The following TTYH1 variants were observed in gnomAD, a reference collection of about 807,000 sequenced individuals.
TTYH1 encodes the protein protein tweety homolog 1.
A neutral mutation model predicts 61.2 loss-of-function variants in TTYH1; 33 were observed. That is an observed-to-expected ratio of 0.54 (90% CI 0.41 to 0.72). The LOEUF (loss-of-function observed/expected upper bound fraction) is 0.72. TTYH1 is among the 30% of genes least tolerant of loss of function. TTYH1 has a pLI of 0.00. For synonymous variants in TTYH1, 308 were observed against 266.4 expected, an observed-to-expected ratio of 1.16 and a Z score of -1.52; for missense variants, 538 against 575.8, an observed-to-expected ratio of 0.93 and a Z score of 0.67.
chr19:54,435,845 C>T lies in TTYH1; in HGVS notation c.1286C>T (p.Thr429Ile), dbSNP rs771590868. 6.2e-7 allele frequency: 1 copy of T among 1,613,434 alleles called. No homozygotes were observed. Among genetic ancestry groups the T allele is most frequent in the Non-Finnish European group, 8.5e-7 (1 of 1,180,000 alleles). The change falls in exon 12 of 14, where the codon ACA (threonine) becomes ATA (isoleucine). Residue 429 changes from threonine (T) to isoleucine (I), a missense_variant. Physicochemically the swap from Thr to Ile is moderately conservative, Grantham distance 89. Transcript: ENST00000376530. ...AACCCCAGTGACGACTACGATGACACAGACGATGACGACCCTTTCAACCCT... is the reference window on the plus strand; with the variant it reads ...AACCCCAGTGACGACTACGATGACATAGACGATGACGACCCTTTCAACCCT... Reference protein sequence around the residue: ...LFPPSDDYDDTDDDDPFNPQE... With the variant: ...LFPPSDDYDDIDDDDPFNPQE...
chr19:54,435,435 T>C (rs930891149), intron 10 of TTYH1, 107 bp from the exon 11 acceptor site: 8 of 1,363,582 alleles, frequency 5.9e-6, no homozygotes, highest in Non-Finnish European at 6.9e-6. Flanking sequence ...AGTGGTCAGT[T>C]GACGTGTGCA....
intron 1 of TTYH1, chr19:54,418,165 C>T (rs1247632776): frequency 6.6e-6 from 1 of 152,258 alleles, no homozygotes; most frequent in Non-Finnish European, 1.5e-5. Context: ...TGCAAACCCC[C>T]TGGGCCACTG....
intron 4 of TTYH1, among the ~76,000 whole-genome samples, chr19:54,422,929 A>AT (rs1491361668): frequency 8.1e-5 from 2 of 24,574 alleles, no homozygotes; most frequent in Non-Finnish European, 1.9e-4. Flanking sequence ...ACTCCATCTC[A>AT]AAAAAAAAAA....
rs1486152010 is a variant in TTYH1 at position 54,415,713 on chromosome 19, TG to T, written c.126+40del. On this transcript the variant is annotated intron_variant, in intron 1 of 13. Transcript: ENST00000376530. This position sits in a 1 kb window ranked among gnomAD's most constrained non-coding sequence, Gnocchi z 5.2. Reference sequence around the variant, plus strand: ...GGCGCCAGGGCCTGGGGGCCAGGGCTGGGGGCCGGAGCTCCTGGGTCCCGAG... The same window carrying T: ...GGCGCCAGGGCCTGGGGGCCAGGGCTGGGGCCGGAGCTCCTGGGTCCCGAG... 1.3e-6 allele frequency: 2 copies of T among 1,506,116 alleles called. No homozygotes were observed. Among genetic ancestry groups the T allele is most frequent in the Admixed American group, 2.1e-5 (1 of 46,846 alleles). 93.3% of individuals were successfully genotyped at this position (1,506,116 alleles called of 1,614,324 possible).
At chr19:54,426,564 A>C in intron 4 of TTYH1, 109 bp from the exon 5 acceptor site, 2 of 820,602 alleles carry the variant, frequency 2.4e-6, no homozygotes, top group Non-Finnish European at 4.2e-6. Flanking sequence ...GAGGGTGGTG[A>C]ATGTGAGGCT....
At chr19:54,425,581 A>G (rs192194920) in intron 4 of TTYH1, among the ~76,000 whole-genome samples, 294 of 152,218 alleles carry the variant, frequency 1.9e-3, no homozygotes, top group Admixed American at 3.1e-3. Context: ...GGATGCGGTC[A>G]CCTTCCCAGC....
rs1264776482 is a variant in TTYH1, at chr19:54,420,943, A to T, written c.306-334A>T. The T allele has an allele frequency of 2.4e-6, 1 of 411,482 alleles. No homozygotes were observed. The highest frequency in any genetic ancestry group is 3.6e-5 in the Admixed American group (1 of 27,742). The allele number at this position is 411,482 out of a possible 1,614,324, so 25.5% of individuals were successfully genotyped here. A position where few individuals can be genotyped will look rare whatever the true frequency, so the allele number is the denominator to read the frequency against. On this transcript the variant is annotated intron_variant, in intron 2 of 13. Coordinates refer to ENST00000376530, the MANE Select transcript of TTYH1 (RefSeq NM_020659.4). The surrounding 1 kb of genome is among the most constrained non-coding windows in gnomAD (Gnocchi z 4.8). ...GGGTGTGGGGCAGGCAGTCCTAGGG[A>T]GGGGAAGACGGCCCATCCCGGAGCT...
Position 54,416,994 on chromosome 19 carries a change from G to A in TTYH1, c.126+1316G>A. 1 of 1,199,980 alleles carries A rather than the reference G, an allele frequency of 8.3e-7. No homozygotes were observed. Among genetic ancestry groups the A allele is most frequent in the Non-Finnish European group, 1.1e-6 (1 of 946,562 alleles). 74.3% of individuals were successfully genotyped at this position (1,199,980 alleles called of 1,614,324 possible). On this transcript the variant is annotated intron_variant, in intron 1 of 13. Transcript: ENST00000376530. This position sits in a 1 kb window ranked among gnomAD's most constrained non-coding sequence, Gnocchi z 7.0. The stretch of plus-strand genomic sequence containing the variant: ...CAGGGTCAGGGTGGCAGGGATGCGC[G>A]GGCAGAGCCCCACAGCCGAGGAGGG...
At chr19:54,424,655 C>CGAAAAT (rs2083286679) in intron 4 of TTYH1, among the ~76,000 whole-genome samples, 1 of 152,196 alleles carries the variant, frequency 6.6e-6, no homozygotes, top group Non-Finnish European at 1.5e-5. Flanking sequence ...GCAGACCCAC[C>CGAAAAT]ATCACTAGAA....
chr19:54,425,432 C>T (rs962602925), intron 4 of TTYH1, among the ~76,000 whole-genome samples: 1 of 152,216 alleles, frequency 6.6e-6, no homozygotes, highest in African/African-American at 2.4e-5. Context: ...GATCATTGTC[C>T]CTTCCCCTGT....
Position 54,436,310 on chromosome 19 carries a change from CCT to C in TTYH1, c.*43-22_*43-21del, listed in dbSNP as rs776562767. The C allele has an allele frequency of 4.2e-5, 68 of 1,613,950 alleles. No individual in the cohort carries two copies. The highest frequency in any genetic ancestry group is 5.3e-5 in the Non-Finnish European group (62 of 1,180,000). Reference sequence around the variant, plus strand: ...CAGGCCCTCCAGCCTGCATCACTGCCCTGTCTCTCCCTCTCTCCGCAGTTCCT... The same window carrying C: ...CAGGCCCTCCAGCCTGCATCACTGCCGTCTCTCCCTCTCTCCGCAGTTCCT... On this transcript the variant is annotated intron_variant, in intron 13 of 13. Transcript: ENST00000376530. This position sits in a 1 kb window ranked among gnomAD's most constrained non-coding sequence, Gnocchi z 4.3.
chr19:54,430,700 T>C, intron 8 of TTYH1, 95 bp downstream of exon 8: 1 of 1,578,200 alleles, frequency 6.3e-7, no homozygotes, highest in South Asian at 1.1e-5. Context: ...CCTGGACTCC[T>C]GGGTTCCGGG....
chr19:54,435,948 G>A (rs933717672), intron 12 of TTYH1, 75 bp downstream of exon 12: 5 of 1,596,682 alleles, frequency 3.1e-6, no homozygotes, highest in South Asian at 2.2e-5. Flanking sequence ...GAGGAGCTGA[G>A]GGCCTGGCCG....
At position 54,436,369 on chromosome 19, in the gene TTYH1, C is replaced by T. The variant is rs1569271584; in HGVS notation, c.*79C>T. On this transcript the variant is annotated 3_prime_UTR_variant, in exon 14 of 14. Coordinates refer to ENST00000376530, the MANE Select transcript of TTYH1 (RefSeq NM_020659.4). The surrounding 1 kb of genome is among the most constrained non-coding windows in gnomAD (Gnocchi z 4.3). ...GCTGCCGGAGGAGACCCCACTAACCCAGCCTGCCTGGGCTCTGACCACTAA... is the reference window on the plus strand; with the variant it reads ...GCTGCCGGAGGAGACCCCACTAACCTAGCCTGCCTGGGCTCTGACCACTAA... 6.2e-7 allele frequency: 1 copy of T among 1,614,174 alleles called. No homozygotes were observed. The highest frequency in any genetic ancestry group is 1.7e-5 in the Admixed American group (1 of 60,026).
At position 54,436,063 on chromosome 19, in the gene TTYH1, TC is replaced by T; in HGVS notation, c.1315-23del. The T allele has an allele frequency of 6.2e-7, 1 of 1,611,356 alleles. No individual in the cohort carries two copies. The highest frequency in any genetic ancestry group is 2.2e-5 in the East Asian group (1 of 44,860). ...CCAATTCCCACTCCATTCCCTCCTC[TC>T]CCCCGCTACCCCGAATCTCCTAGCA... is the stretch of plus-strand genomic sequence containing the variant. On this transcript the variant is annotated intron_variant, in intron 12 of 13. Transcript: ENST00000376530. This position sits in a 1 kb window ranked among gnomAD's most constrained non-coding sequence, Gnocchi z 4.3.
intron 10 of TTYH1, 55 bp downstream of exon 10, chr19:54,431,246 C>T (rs777792331): frequency 3.3e-6 from 4 of 1,225,472 alleles, no homozygotes; most frequent in Non-Finnish European, 4.8e-6. Flanking sequence ...TGTCTCGACC[C>T]ACAGAACTAC....
Position 54,416,743 on chromosome 19 carries a change from C to T in TTYH1, c.126+1065C>T, listed in dbSNP as rs1395534998. ...CAGCTCTTCCCCGCCTGCTCCTCGC[C>T]GCCCCCTCTCCCCACACACGGGGAC... On this transcript the variant is annotated intron_variant, in intron 1 of 13. Transcript: ENST00000376530. This position sits in a 1 kb window ranked among gnomAD's most constrained non-coding sequence, Gnocchi z 7.0. The T allele has an allele frequency of 1.5e-6, 2 of 1,291,050 alleles. No homozygotes were observed. Among genetic ancestry groups the T allele is most frequent in the East Asian group, 5.6e-5 (1 of 17,978 alleles). The allele number at this position is 1,291,050 out of a possible 1,614,324, so 80.0% of individuals were successfully genotyped here.
In TTYH1 at chr19:54,436,194, A is replaced by G; in HGVS notation, c.*42+23A>G. ...TCGGTGAGCTTCCAAGGGCCACCCC[A>G]GCTCCTGCAGCCGGGCCTCTGCCCC... On this transcript the variant is annotated intron_variant, in intron 13 of 13. Transcript: ENST00000376530. This position sits in a 1 kb window ranked among gnomAD's most constrained non-coding sequence, Gnocchi z 4.3. 6.2e-7 allele frequency: 1 copy of G among 1,611,680 alleles called. No individual in the cohort carries two copies. Among genetic ancestry groups the G allele is most frequent in the South Asian group, 1.1e-5 (1 of 90,996 alleles).
rs1433695160 is a variant in TTYH1 at position 54,436,378 on chromosome 19, T to C, written c.*88T>C. The C allele has an allele frequency of 6.2e-7, 1 of 1,613,966 alleles. No individual in the cohort carries two copies. Among genetic ancestry groups the C allele is most frequent in the East Asian group, 2.2e-5 (1 of 44,886 alleles). On this transcript the variant is annotated 3_prime_UTR_variant, in exon 14 of 14. Transcript: ENST00000376530. This position sits in a 1 kb window ranked among gnomAD's most constrained non-coding sequence, Gnocchi z 4.3. ...GGAGACCCCACTAACCCAGCCTGCC[T>C]GGGCTCTGACCACTAACACTCTTGG...
Sources: gnomAD v4.1 joint callset for allele counts (sites outside exome capture counted in the v4.1 genomes callset) on GRCh38, gnomAD v4.1.1 for gene constraint, Gnocchi (gnomAD v3.1) non-coding constraint, MANE v1.5 for transcripts, NCBI Gene and HGNC (gene_info 2026-07-23, HGNC 2026-07-21) for gene names.